The following GRM8 variants were observed in gnomAD, a reference collection of about 807,000 sequenced individuals.
GRM8 encodes glutamate metabotropic receptor 8, also known as metabotropic glutamate receptor 8.
Under a neutral mutation model 87.2 loss-of-function variants are expected in GRM8, and 47 were observed. The ratio of observed to expected loss-of-function variants is 0.54; its 90% confidence interval spans 0.43 to 0.69. The LOEUF is 0.69. GRM8 is among the 30% of genes least tolerant of loss of function. The pLI, the probability that GRM8 is intolerant of heterozygous loss-of-function variation, is 0.00. For missense variants in GRM8, 1,019 were observed against 1,139.2 expected (o/e 0.89, Z 1.52); for synonymous variants, 396 against 404.5 (o/e 0.98, Z 0.25).
At chr7:126,760,487 T>G (rs1361003725) in intron 7 of GRM8, among the ~76,000 whole-genome samples, 8 of 152,150 alleles carry the variant, frequency 5.3e-5, no homozygotes, top group Admixed American at 5.2e-4. Context: ...CAGGTAGAAT[T>G]ACAGTGCTAA....
At chr7:126,839,288 A>T (rs1774190819) in intron 6 of GRM8, among the ~76,000 whole-genome samples, 1 of 152,204 alleles carries the variant, frequency 6.6e-6, no homozygotes, top group African/African-American at 2.4e-5. Flanking sequence ...ACATCACCTG[A>T]GAGCTTGTCT....
At chr7:127,237,683 T>C (rs17865867) in intron 2 of GRM8, among the ~76,000 whole-genome samples, 1,596 of 152,294 alleles carry the variant, frequency 0.01, 23 homozygotes, top group African/African-American at 0.036. Context: ...TTGATTGCTT[T>C]GGGAAGGATA....
At chr7:126,893,107 G>A (rs535578252) in intron 6 of GRM8, among the ~76,000 whole-genome samples, 8 of 152,006 alleles carry the variant, frequency 5.3e-5, no homozygotes, top group Admixed American at 2.0e-4. Flanking sequence ...TACCTCATTA[G>A]AGGTAGTATG....
At chr7:126,828,506 G>T (rs1331064397) in intron 6 of GRM8, among the ~76,000 whole-genome samples, 3 of 152,166 alleles carry the variant, frequency 2.0e-5, no homozygotes, top group Non-Finnish European at 4.4e-5. Context: ...ATGTAGAGGT[G>T]TTTGTAGTAT....
intron 9 of GRM8, among the ~76,000 whole-genome samples, chr7:126,528,298 T>C (rs977698674): frequency 6.6e-6 from 1 of 152,170 alleles, no homozygotes; most frequent in Non-Finnish European, 1.5e-5. Context: ...CAGGTGAAAT[T>C]GAGACAATTA....
rs1330651267 is a variant in GRM8, at chr7:126,471,223, G to T, written c.2431-24851C>A. 4.6e-5 allele frequency among the ~76,000 whole-genome samples: 7 copies of T among 151,774 alleles called. No individual in the cohort carries two copies. The East Asian group carries it at 7.8e-4, about 17-fold the overall frequency. On this transcript the variant is annotated intron_variant, in intron 9 of 10. Coordinates refer to ENST00000339582, the MANE Select transcript of GRM8 (RefSeq NM_000845.3). Reference sequence around the variant, plus strand: ...GATCCCATTTGTCAATTTTGGCTTTGGTTGCCATTGCTTTTAGTGTTTTAG... The same window carrying T: ...GATCCCATTTGTCAATTTTGGCTTTTGTTGCCATTGCTTTTAGTGTTTTAG...
intron 6 of GRM8, among the ~76,000 whole-genome samples, chr7:126,841,634 T>TA (rs1286862192): frequency 1.5e-4 from 22 of 148,380 alleles, no homozygotes; most frequent in African/African-American, 4.2e-4. Context: ...GGATTATTAT[T>TA]TTTTTTTTTT....
chr7:126,537,463 TG>T (rs1422239075), intron 8 of GRM8, among the ~76,000 whole-genome samples: 6 of 152,136 alleles, frequency 3.9e-5, no homozygotes, highest in African/African-American at 1.4e-4. Context: ...TTTACATAGT[TG>T]CTAAATGATG....
At chr7:127,084,625 G>C (rs553226761) in intron 3 of GRM8, 50 of 152,268 alleles carry the variant, frequency 3.3e-4, no homozygotes, top group African/African-American at 1.1e-3. Flanking sequence ...GCACAATTGT[G>C]TCACATCTAC....
chr7:126,803,887 C>T (rs1792372470), intron 6 of GRM8, among the ~76,000 whole-genome samples: 4 of 152,214 alleles, frequency 2.6e-5, no homozygotes, highest in Admixed American at 2.6e-4. Flanking sequence ...GTTTAAAGTG[C>T]TAAGTTTAAG....
At chr7:126,838,581 G>A (rs1391112874) in intron 6 of GRM8, among the ~76,000 whole-genome samples, 4 of 152,170 alleles carry the variant, frequency 2.6e-5, no homozygotes, top group Non-Finnish European at 5.9e-5. Flanking sequence ...TGAAAATTAT[G>A]CTTTTCTTCT....
chr7:126,801,167 C>A (rs1337355546), intron 6 of GRM8, among the ~76,000 whole-genome samples: 1 of 152,076 alleles, frequency 6.6e-6, no homozygotes, highest in Non-Finnish European at 1.5e-5. Flanking sequence ...TATTTTTCAC[C>A]TACTAATGTC....
chr7:127,145,002 G>A (rs182578675), intron 2 of GRM8, among the ~76,000 whole-genome samples: 8 of 152,028 alleles, frequency 5.3e-5, no homozygotes, highest in Non-Finnish European at 7.4e-5. Flanking sequence ...GCATTAAGTC[G>A]ACAAACATTT....
intron 8 of GRM8, among the ~76,000 whole-genome samples, chr7:126,586,481 G>T (rs1358617254): frequency 2.6e-5 from 4 of 152,174 alleles, no homozygotes; most frequent in Non-Finnish European, 4.4e-5. Flanking sequence ...CCAAAACAGA[G>T]ATACAGACCA....
intron 10 of GRM8, 85 bp downstream of exon 10, chr7:126,446,041 C>T: frequency 1.3e-6 from 2 of 1,528,538 alleles, no homozygotes; most frequent in South Asian, 2.3e-5. Context: ...AGCACAATCC[C>T]CAAGACTAGG....
chr7:126,985,340 T>A (rs1262814448), intron 3 of GRM8, among the ~76,000 whole-genome samples: 1 of 152,150 alleles, frequency 6.6e-6, no homozygotes, highest in Non-Finnish European at 1.5e-5. Context: ...TATCTGGTTA[T>A]CATTAATAAC....
intron 6 of GRM8, among the ~76,000 whole-genome samples, chr7:126,776,293 T>G (rs886709282): frequency 1.3e-5 from 2 of 152,072 alleles, no homozygotes; most frequent in African/African-American, 2.4e-5. Flanking sequence ...GAAAATATGT[T>G]TTAGAGGCCA....
intron 6 of GRM8, among the ~76,000 whole-genome samples, chr7:126,854,972 T>C (rs539439254): frequency 1.5e-4 from 23 of 152,302 alleles, no homozygotes; most frequent in African/African-American, 5.3e-4. Context: ...CTATGTTGAA[T>C]AGAAGTGGTG....
chr7:127,082,705 T>C (rs1181961637), intron 3 of GRM8, among the ~76,000 whole-genome samples: 1 of 152,208 alleles, frequency 6.6e-6, no homozygotes, highest in Non-Finnish European at 1.5e-5. Context: ...TCGATTATAA[T>C]AATAATGGCA....
Sources: gnomAD v4.1 joint callset for allele counts (sites outside exome capture counted in the v4.1 genomes callset) on GRCh38, gnomAD v4.1.1 for gene constraint, MANE v1.5 for transcripts, NCBI Gene and HGNC (gene_info 2026-07-23, HGNC 2026-07-21) for gene names.